The following DLGAP2 variants were observed in gnomAD, a reference collection of about 807,000 sequenced individuals.
The protein encoded by DLGAP2 is disks large-associated protein 2.
Under a neutral mutation model 100.3 loss-of-function variants are expected in DLGAP2, and 26 were observed. The ratio of observed to expected loss-of-function variants is 0.26; its 90% confidence interval spans 0.19 to 0.36. DLGAP2 has a LOEUF of 0.36. Among genes scored for constraint, DLGAP2 ranks in the 10% least tolerant of loss-of-function variants. The pLI, the probability that DLGAP2 is intolerant of heterozygous loss-of-function variation, is 1.00. For missense variants in DLGAP2, 1,858 were observed against 1,453.2 expected (o/e 1.28, Z -4.53); for synonymous variants, 886 against 630.1 (o/e 1.41, Z -6.08).
chr8:931,030 G>A (rs1259427518), intron 2 of DLGAP2, among the ~76,000 whole-genome samples: 1 of 152,150 alleles, frequency 6.6e-6, no homozygotes, highest in African/African-American at 2.4e-5. Context: ...TCACAGAATT[G>A]TCTTCGTCAA....
In DLGAP2 at chr8:874,513, A is replaced by C. The variant is rs565952068; in HGVS notation, c.19-33399A>C. 1.1e-4 allele frequency among the ~76,000 whole-genome samples: 16 copies of C among 152,308 alleles called. 1 individual carries two copies. The South Asian group carries it at 3.3e-3, about 32-fold the overall frequency. On this transcript the variant is annotated intron_variant, in intron 1 of 14. Transcript: ENST00000637795. ...ATTTACACAAACTGGTGAATTTCCA[A>C]AACTTTTTTCTGTTGTTGATTTCTA...
intron 1 of DLGAP2, among the ~76,000 whole-genome samples, chr8:819,122 G>A (rs1796539407): frequency 1.3e-5 from 2 of 152,180 alleles, no homozygotes; most frequent in African/African-American, 4.8e-5. Flanking sequence ...CCTTATTTAA[G>A]AATATATAAA....
At chr8:1,485,619 G>C (rs531761201) in intron 3 of DLGAP2, among the ~76,000 whole-genome samples, 3 of 152,236 alleles carry the variant, frequency 2.0e-5, no homozygotes, top group African/African-American at 7.2e-5. Context: ...GAACGCTTCA[G>C]TTCCCCCTCC....
At position 1,549,712 on chromosome 8, in the gene DLGAP2, C is replaced by A. The variant is rs756846687; in HGVS notation, c.1230+29C>A. On this transcript the variant is annotated intron_variant, in intron 5 of 14. Coordinates refer to ENST00000637795, the MANE Select transcript of DLGAP2 (RefSeq NM_001346810.2). ...AGCAGGCTCACGGCCCTGTGGAGGC[C>A]GTCTCGGCACAGCAGGTGGTATTGT... 13 of 1,509,448 alleles carry A rather than the reference C, an allele frequency of 8.6e-6. No homozygotes were observed. The African/African-American group carries it at 1.1e-4, about 13-fold the overall frequency. The allele number at this position is 1,509,448 out of a possible 1,614,324, so 93.5% of individuals were successfully genotyped here.
At chr8:1,366,096 C>A (rs1802102163) in intron 3 of DLGAP2, among the ~76,000 whole-genome samples, 1 of 152,224 alleles carries the variant, frequency 6.6e-6, no homozygotes. Flanking sequence ...CACCCGAAGG[C>A]CAGACACTGT....
intron 6 of DLGAP2, among the ~76,000 whole-genome samples, chr8:1,614,446 C>T (rs775796422): frequency 3.3e-4 from 50 of 152,328 alleles, no homozygotes; most frequent in South Asian, 8.3e-4. Flanking sequence ...CACAGACACC[C>T]GGCGGACTGG....
intron 2 of DLGAP2, among the ~76,000 whole-genome samples, chr8:908,665 G>C (rs895305764): frequency 2.0e-5 from 3 of 152,144 alleles, no homozygotes; most frequent in South Asian, 4.1e-4. Flanking sequence ...CTGCATTTTT[G>C]TTTTCCTCCT....
intron 8 of DLGAP2, among the ~76,000 whole-genome samples, chr8:1,661,679 TGCA>T (rs1798412077): frequency 1.3e-5 from 2 of 152,146 alleles, no homozygotes; most frequent in African/African-American, 4.8e-5. Context: ...ATTGTCTAGA[TGCA>T]GTGATCTGGT....
At chr8:1,092,602 T>C (rs968904077) in intron 2 of DLGAP2, among the ~76,000 whole-genome samples, 3 of 152,304 alleles carry the variant, frequency 2.0e-5, no homozygotes, top group Admixed American at 2.0e-4. Context: ...GTCACATGCC[T>C]CTCCAGGGAC....
At chr8:857,552 C>T (rs1156306175) in intron 1 of DLGAP2, among the ~76,000 whole-genome samples, 1 of 152,144 alleles carries the variant, frequency 6.6e-6, no homozygotes, top group Non-Finnish European at 1.5e-5. Context: ...AAAAGATACA[C>T]AGATGACAAG....
At chr8:1,500,044 C>G (rs989756234) in intron 3 of DLGAP2, among the ~76,000 whole-genome samples, 4 of 152,154 alleles carry the variant, frequency 2.6e-5, no homozygotes, top group African/African-American at 9.7e-5. Context: ...ATTGGAAACC[C>G]ACATATGTGT....
intron 3 of DLGAP2, among the ~76,000 whole-genome samples, chr8:1,428,110 A>G (rs1797288981): frequency 6.6e-6 from 1 of 151,980 alleles, no homozygotes; most frequent in Non-Finnish European, 1.5e-5. Flanking sequence ...AAATAAAATA[A>G]GAGAAAGAAA....
intron 6 of DLGAP2, among the ~76,000 whole-genome samples, chr8:1,597,737 A>G (rs140574715): frequency 0.023 from 3,498 of 152,262 alleles, 123 homozygotes; most frequent in African/African-American, 0.078. Context: ...AGACTTTGCT[A>G]AAGTTGCTTA....
chr8:990,359 GC>G (rs1440872345), intron 2 of DLGAP2, among the ~76,000 whole-genome samples: 2 of 116,666 alleles, frequency 1.7e-5, no homozygotes, highest in Non-Finnish European at 3.6e-5. Context: ...CTCCCTCCTT[GC>G]CCGGACCCCC....
At chr8:1,501,296 G>A in intron 3 of DLGAP2, 70 bp from the exon 4 acceptor site, 1 of 1,469,050 alleles carries the variant, frequency 6.8e-7, no homozygotes, top group South Asian at 1.2e-5. Context: ...GGGTTTTGAA[G>A]ATGTGCAGGG....
Position 812,075 on chromosome 8 carries a change from T to G in DLGAP2, c.18+74250T>G, listed in dbSNP as rs529685882. Among the ~76,000 whole-genome samples, 5 of 152,204 alleles carry G rather than the reference T, an allele frequency of 3.3e-5. No individual in the cohort carries two copies. The South Asian group carries it at 1.0e-3, about 32-fold the overall frequency. ...CTCCAGAGAAACGGGATCAGTAGGA[T>G]GTGTGTGCTCCTCCATCTCTGCAAG... On this transcript the variant is annotated intron_variant, in intron 1 of 14. Transcript: ENST00000637795.
intron 2 of DLGAP2, among the ~76,000 whole-genome samples, chr8:1,120,958 C>A (rs780161661): frequency 5.3e-5 from 8 of 151,764 alleles, no homozygotes; most frequent in Non-Finnish European, 1.0e-4. Context: ...CCTTTAGAAA[C>A]CCTGACCACC....
At chr8:1,572,408 G>A (rs1802761206) in intron 6 of DLGAP2, among the ~76,000 whole-genome samples, 1 of 124,810 alleles carries the variant, frequency 8.0e-6, no homozygotes, top group Non-Finnish European at 1.7e-5. Context: ...AGAGAGGGGT[G>A]AACTGTGGGG....
intron 2 of DLGAP2, among the ~76,000 whole-genome samples, chr8:1,074,267 A>C (rs1803532131): frequency 6.6e-6 from 1 of 150,654 alleles, no homozygotes; most frequent in Non-Finnish European, 1.5e-5. Flanking sequence ...CAGCAGACTG[A>C]GGCTGAACTC....
Sources: gnomAD v4.1 joint callset for allele counts (sites outside exome capture counted in the v4.1 genomes callset) on GRCh38, gnomAD v4.1.1 for gene constraint, MANE v1.5 for transcripts, NCBI Gene and HGNC (gene_info 2026-07-23, HGNC 2026-07-21) for gene names.